ARHGAP9: variants seen among roughly 807,000 people sequenced by gnomAD.
ARHGAP9 encodes the protein rho GTPase-activating protein 9.
Under a neutral mutation model 87.3 loss-of-function variants are expected in ARHGAP9, and 76 were observed. The ratio of observed to expected loss-of-function variants is 0.87; its 90% CI spans 0.72 to 1.05. The LOEUF is 1.05. Among genes scored for constraint, ARHGAP9 ranks in the 50% least tolerant of loss-of-function variants. The pLI, the probability that ARHGAP9 is intolerant of heterozygous loss-of-function variation, is 0.00. For synonymous variants in ARHGAP9, 382 were observed against 394.9 expected, an observed-to-expected ratio of 0.97 and a Z score of 0.39; for missense variants, 941 against 960.5, an observed-to-expected ratio of 0.98 and a Z score of 0.27.
At position 57,475,858 on chromosome 12, in the gene ARHGAP9, G is replaced by A. The variant is rs374953833; in HGVS notation, c.1286C>T (p.Ala429Val). 32 of 1,613,740 alleles carry A rather than the reference G, an allele frequency of 2.0e-5. No individual in the cohort carries two copies. Among genetic ancestry groups the A allele is most frequent in the Non-Finnish European group, 2.6e-5 (31 of 1,179,906 alleles). ...HETELRAWHR[A>V]LRTVIERLDR... Reference sequence around the variant, plus strand: ...CAGCCGCTCGATGACAGTCCGCAGCGCGCGGTGCCAGGCTCGCAGCTCTGT... The same window carrying A: ...CAGCCGCTCGATGACAGTCCGCAGCACGCGGTGCCAGGCTCGCAGCTCTGT... The change falls in exon 10 of 18, where the codon GCG (alanine) becomes GTG (valine). Residue 429 changes from alanine (A) to valine (V), a missense_variant. Coordinates refer to ENST00000393791, the MANE Select transcript of ARHGAP9 (RefSeq NM_032496.4).
chr12:57,479,931 C>A, upstream of ARHGAP9: 5 of 1,431,120 alleles, frequency 3.5e-6, no homozygotes, highest in Middle Eastern at 2.1e-4. Flanking sequence ...CGTTACCAGT[C>A]ACCTCAGACC....
rs755304102 is a variant in ARHGAP9 at position 57,477,262 on chromosome 12, C to T, written c.764G>A (p.Gly255Asp). ...CAGGGTCTGTGTCCCCTCCATGGAG[C>T]CAGGGTTCTGGGTTAGGGGAGGAGG... is the stretch of plus-strand genomic sequence containing the variant. ...PRRSRSETNPGSMEGTQTLKR... is the reference protein window; with the variant it reads ...PRRSRSETNPDSMEGTQTLKR... The change falls in exon 5 of 18, where the codon GGC becomes GAC. Residue 255 changes from glycine (G) to aspartate (D), a missense_variant. By Grantham distance (94) the Gly-to-Asp change is moderately conservative. Transcript: ENST00000393791. 7.7e-6 allele frequency: 12 copies of T among 1,567,596 alleles called. No individual in the cohort carries two copies. The East Asian group carries it at 1.1e-4, about 15-fold the overall frequency.
rs1426749302 is a variant in ARHGAP9, at chr12:57,479,795, G to A, written c.-84C>T. 6.5e-7 allele frequency: 1 copy of A among 1,546,136 alleles called. No individual in the cohort carries two copies. The highest frequency in any genetic ancestry group is 2.0e-5 in the Admixed American group (1 of 49,974). On this transcript the variant is annotated 5_prime_UTR_variant, in exon 1 of 18. Coordinates refer to ENST00000393791, the MANE Select transcript of ARHGAP9 (RefSeq NM_032496.4). The stretch of plus-strand genomic sequence containing the variant: ...CCTGGGTAGTGGTGGGAGTCTTGAG[G>A]TGGACACAGGAAGGAGATAAGAAGA...
At chr12:57,476,708 G>A (rs759944437) in intron 6 of ARHGAP9, 57 bp from the exon 7 acceptor site, 37 of 1,609,250 alleles carry the variant, frequency 2.3e-5, no homozygotes, top group South Asian at 2.1e-4. Context: ...TAGTGGCCAC[G>A]GCTTTCCCTA....
upstream of ARHGAP9, among the ~76,000 whole-genome samples, chr12:57,481,571 C>A (rs1875010584): frequency 6.6e-6 from 1 of 152,034 alleles, no homozygotes; most frequent in African/African-American, 2.4e-5. Context: ...TTTTTACAGT[C>A]GAACTTCTTG....
rs986252376 is a variant in ARHGAP9, at chr12:57,476,227, C to T, written c.1117-61G>A. ...GTTTCCTTCACTGCTTCCCTCTCCC[C>T]GGTGGGCTGTGAGGAGGTGGGAGGC... On this transcript the variant is annotated intron_variant, in intron 8 of 17. Transcript: ENST00000393791. 3.3e-6 allele frequency: 5 copies of T among 1,499,992 alleles called. No homozygotes were observed. The Admixed American group carries it at 6.2e-5, about 19-fold the overall frequency. 92.9% of individuals were successfully genotyped at this position (1,499,992 alleles called of 1,614,324 possible).
At chr12:57,488,664 A>G (rs1188963483) in exon 1 of ARHGAP9, 2 of 1,549,374 alleles carry the variant, frequency 1.3e-6, no homozygotes, top group Non-Finnish European at 8.7e-7. Context: ...GTTCTCTTGT[A>G]AGTCTTCTCA....
upstream of ARHGAP9, chr12:57,480,816 C>G (rs1874931840): frequency 1.3e-6 from 2 of 1,550,492 alleles, no homozygotes; most frequent in Admixed American, 2.0e-5. Flanking sequence ...AGCTTCTCCA[C>G]TGCACAATGT....
intron 16 of ARHGAP9, 148 bp from the exon 17 acceptor site, chr12:57,473,856 A>C: frequency 1.7e-6 from 2 of 1,206,706 alleles, no homozygotes; most frequent in Non-Finnish European, 2.3e-6. Flanking sequence ...CTATAGCCTC[A>C]TAATTCTTTT....
At chr12:57,484,184 C>T (rs567683927), upstream of ARHGAP9, among the ~76,000 whole-genome samples, 14 of 151,798 alleles carry the variant, frequency 9.2e-5, no homozygotes, top group Admixed American at 6.6e-4. Flanking sequence ...AACCCTGTCT[C>T]TACTAAAAAT....
At chr12:57,474,273 A>C in intron 15 of ARHGAP9, 97 bp from the exon 16 acceptor site, 1 of 1,581,876 alleles carries the variant, frequency 6.3e-7, no homozygotes, top group Non-Finnish European at 8.6e-7. Flanking sequence ...AAAGCAGACT[A>C]TAGGAATGCC....
chr12:57,482,264 G>A (rs183768225), upstream of ARHGAP9, among the ~76,000 whole-genome samples: 262 of 150,800 alleles, frequency 1.7e-3, no homozygotes, highest in Non-Finnish European at 3.0e-3. Context: ...TTTTTGAGTC[G>A]GAGTCTTGCT....
Position 57,478,580 on chromosome 12 carries a change from A to G in ARHGAP9, c.494T>C (p.Leu165Pro). The G allele has an allele frequency of 1.2e-6, 2 of 1,614,046 alleles. No individual in the cohort carries two copies. Among genetic ancestry groups the G allele is most frequent in the South Asian group, 1.1e-5 (1 of 91,070 alleles). ...PFQEGPSGRS[L>P]SQEDLPSEAS... ...TTCTGACGGCAAGTCTTCCTGGGAG[A>G]GGGATCTTCCGCTTGGTCCTTCCTG... The change falls in exon 3 of 18, where the codon CTC (leucine) becomes CCC (proline). Residue 165 changes from leucine to proline, a missense_variant. Transcript: ENST00000393791.
chr12:57,477,927 C>T, intron 3 of ARHGAP9: 1 of 1,298,456 alleles, frequency 7.7e-7, no homozygotes. Context: ...CCCACCCCAC[C>T]CCCACCTCAG....
At chr12:57,479,511 G>A in intron 1 of ARHGAP9, 87 bp from the exon 2 acceptor site, 1 of 1,508,470 alleles carries the variant, frequency 6.6e-7, no homozygotes, top group Non-Finnish European at 8.8e-7. Flanking sequence ...GAGCAGTGTT[G>A]CAGGGAGGTG....
chr12:57,478,331 A>G (rs1241111792), intron 3 of ARHGAP9: 2 of 591,358 alleles, frequency 3.4e-6, no homozygotes, highest in Non-Finnish European at 2.9e-6. Context: ...CTCAGAGTCA[A>G]CTGAATGCCG....
chr12:57,473,914 C>G lies in ARHGAP9; in HGVS notation c.1918+128G>C, dbSNP rs922539866. 31 of 1,409,134 alleles carry G rather than the reference C, an allele frequency of 2.2e-5. No homozygotes were observed. In the Admixed American group the frequency reaches 3.0e-4, roughly 14 times the overall value. The allele number at this position is 1,409,134 out of a possible 1,614,324, so 87.3% of individuals were successfully genotyped here. On this transcript the variant is annotated intron_variant, in intron 16 of 17. Transcript: ENST00000393791. ...ACAAAAAAGCAACTGGAGTAGGCAC[C>G]TGAGTTGAACATTATTTTCCATCTC...
intron 10 of ARHGAP9, 52 bp from the exon 11 acceptor site, chr12:57,475,667 C>T: frequency 6.3e-7 from 1 of 1,583,996 alleles, no homozygotes; most frequent in Non-Finnish European, 8.6e-7. Flanking sequence ...AAATCTGTAT[C>T]CCTAGCTGGA....
upstream of ARHGAP9, among the ~76,000 whole-genome samples, chr12:57,484,373 T>C (rs1222362992): frequency 1.3e-5 from 2 of 151,924 alleles, no homozygotes; most frequent in African/African-American, 4.8e-5. Context: ...AAAGCATCTT[T>C]TCACCCATTA....
Sources: gnomAD v4.1 joint callset for allele counts (sites outside exome capture counted in the v4.1 genomes callset) on GRCh38, gnomAD v4.1.1 for gene constraint, MANE v1.5 for transcripts, NCBI Gene and HGNC (gene_info 2026-07-23, HGNC 2026-07-21) for gene names.